SHPK: variants seen among roughly 807,000 people sequenced by gnomAD.
The protein encoded by SHPK is sedoheptulokinase, also known as carbohydrate kinase-like protein.
In SHPK, 51 loss-of-function variants were observed where a neutral mutation model predicts 46.3. That is an observed-to-expected ratio of 1.10 (90% CI 0.88 to 1.39). The LOEUF (loss-of-function observed/expected upper bound fraction) is 1.39. SHPK is among the 40% of genes most tolerant of loss of function. The pLI, the probability that SHPK is intolerant of heterozygous loss-of-function variation, is 0.00. For missense variants in SHPK, 668 were observed against 641.3 expected, an observed-to-expected ratio of 1.04 and a Z score of -0.45; for synonymous variants, 290 against 273.9, an observed-to-expected ratio of 1.06 and a Z score of -0.58.
chr17:3,616,886 C>T (rs1435720348), intron 5 of SHPK, among the ~76,000 whole-genome samples: 1 of 152,090 alleles, frequency 6.6e-6, no homozygotes, highest in African/African-American at 2.4e-5. Context: ...TACAGGCATG[C>T]GCCACCACGC....
chr17:3,615,466 C>G lies in SHPK; in HGVS notation c.895G>C (p.Asp299His), dbSNP rs1470501526. Residue 299 changes from aspartate to histidine, a missense_variant, in exon 6 of 7, where the codon GAC becomes CAC. Coordinates refer to ENST00000225519, the MANE Select transcript of SHPK (RefSeq NM_013276.4). ...AAGTAGGCGACTGGGGCCGTAGGGT[C>G]TGGAGTCTGTGCAGGCTGGAATCCT... The part of the protein sequence containing the change: ...PSGFQPAQTP[D>H]PTAPVAYFPY... 1 of 1,614,146 alleles carries G rather than the reference C, an allele frequency of 6.2e-7. No homozygotes were observed. The highest frequency in any genetic ancestry group is 1.7e-5 in the Admixed American group (1 of 60,024).
chr17:3,628,625 T>C (rs1217375351), intron 2 of SHPK, among the ~76,000 whole-genome samples: 2 of 151,676 alleles, frequency 1.3e-5, no homozygotes, highest in African/African-American at 2.4e-5. Context: ...CTGGCCAATA[T>C]AATTTCTTTT....
At position 3,615,519 on chromosome 17, in the gene SHPK, G is replaced by C; in HGVS notation, c.842C>G (p.Ser281Trp). 2 of 1,614,182 alleles carry C rather than the reference G, an allele frequency of 1.2e-6. No homozygotes were observed. Among genetic ancestry groups the C allele is most frequent in the Non-Finnish European group, 1.7e-6 (2 of 1,180,016 alleles). The change falls in exon 6 of 7, where the codon TCG becomes TGG. Residue 281 changes from serine to tryptophan, a missense_variant. Physicochemically the swap from Ser to Trp is radical, Grantham distance 177 (BLOSUM62 -3). Transcript: ENST00000225519. ...RTDAVLNIST[S>W]VQLAASMPSG... is the part of the protein sequence containing the mutation. Reference sequence around the variant, plus strand: ...AGGCATGGAGGCTGCCAGCTGAACCGAGGTGCTGATGTTGAGAACTGGGGT... The same window carrying C: ...AGGCATGGAGGCTGCCAGCTGAACCCAGGTGCTGATGTTGAGAACTGGGGT...
chr17:3,625,850 C>G (rs774614703), intron 2 of SHPK, among the ~76,000 whole-genome samples: 11 of 152,122 alleles, frequency 7.2e-5, no homozygotes, highest in East Asian at 3.9e-4. Context: ...GTGAGGAGTT[C>G]GAGACCAGCC....
chr17:3,612,512 A>G (rs935284883), intron 6 of SHPK, among the ~76,000 whole-genome samples: 4 of 152,138 alleles, frequency 2.6e-5, no homozygotes, highest in Non-Finnish European at 5.9e-5. Flanking sequence ...CCTGAGGGAA[A>G]GCAAACATCA....
At position 3,623,338 on chromosome 17, in the gene SHPK, C is replaced by T. The variant is rs760175748; in HGVS notation, c.647+1G>A. 7.7e-5 allele frequency: 125 copies of T among 1,613,992 alleles called. No homozygotes were observed. Among genetic ancestry groups the T allele is most frequent in the Middle Eastern group, 3.3e-4 (2 of 6,058 alleles). ...ACAGCCTGCAAGGATGTGATACTCA[C>T]GTCTCTACGTTCCAGCTTTGGCTCT... On this transcript the variant is annotated splice_donor_variant, in intron 4 of 6. Transcript: ENST00000225519. LOFTEE classifies it high-confidence loss of function.
rs2075318557 is a variant in SHPK, at chr17:3,608,949, T to C, written c.*1611A>G. The C allele has an allele frequency of 6.6e-6, 1 of 152,364 alleles. No individual in the cohort carries two copies. The highest frequency in any genetic ancestry group is 1.5e-5 in the Non-Finnish European group (1 of 68,156). 9.4% of individuals were successfully genotyped at this position (152,364 alleles called of 1,614,324 possible). ...CTCTGTCACCCAGGCTGGAGTGCAA[T>C]GGCGCGATCTCAGCTCACTGCAACC... On this transcript the variant is annotated 3_prime_UTR_variant, in exon 7 of 7. Transcript: ENST00000225519.
At chr17:3,619,329 G>T in intron 5 of SHPK, 1 of 1,163,446 alleles carries the variant, frequency 8.6e-7, no homozygotes, top group South Asian at 1.2e-5. Flanking sequence ...ACAGTTACGT[G>T]AGGTGAGAGT....
chr17:3,634,557 G>A lies in SHPK; in HGVS notation c.168+1495C>T, dbSNP rs963726485. 3.0e-5 allele frequency among the ~76,000 whole-genome samples: 4 copies of A among 134,276 alleles called. No homozygotes were observed. In the East Asian group the frequency reaches 6.4e-4, roughly 21 times the overall value. The allele number at this position is 134,276 out of a possible 152,430, so 88.1% of individuals were successfully genotyped here. A position where few individuals can be genotyped will look rare whatever the true frequency, so the allele number is the denominator to read the frequency against. On this transcript the variant is annotated intron_variant, in intron 1 of 6. Transcript: ENST00000225519. The stretch of plus-strand genomic sequence containing the variant: ...ACTGCACTCCAGCCTGGGTGACAGA[G>A]CGAGACCCTGTCTCAAAAAAAAAAA...
intron 6 of SHPK, 150 bp from the exon 7 acceptor site, chr17:3,611,122 G>C: frequency 1.4e-6 from 1 of 735,514 alleles, no homozygotes; most frequent in Non-Finnish European, 2.2e-6. Flanking sequence ...GACTGCTATA[G>C]CCAGGCTAGC....
At chr17:3,618,655 C>A (rs2075381610) in intron 5 of SHPK, among the ~76,000 whole-genome samples, 2 of 152,012 alleles carry the variant, frequency 1.3e-5, no homozygotes, top group African/African-American at 4.8e-5. Context: ...TGGCGTGCGC[C>A]TGTAGTCTCA....
chr17:3,623,379 C>A lies in SHPK; in HGVS notation c.607G>T (p.Gly203Cys). Residue 203 changes from glycine to cysteine, a missense_variant, in exon 4 of 7, where the codon GGC (glycine) becomes TGC (cysteine). Coordinates refer to ENST00000225519, the MANE Select transcript of SHPK (RefSeq NM_013276.4). ...LMSDQNAASW[G>C]YFNTQSQSWN... is the part of the protein sequence containing the mutation. ...CTTTGGCTCTGCGTGTTGAAATAGCCCCAGCTGGCAGCATTCTGGTCGGAC... is the reference window on the plus strand; with the variant it reads ...CTTTGGCTCTGCGTGTTGAAATAGCACCAGCTGGCAGCATTCTGGTCGGAC... The A allele has an allele frequency of 6.2e-7, 1 of 1,614,182 alleles. No homozygotes were observed. Among genetic ancestry groups the A allele is most frequent in the African/African-American group, 1.3e-5 (1 of 75,048 alleles).
At chr17:3,623,617 A>C in intron 3 of SHPK, 126 bp from the exon 4 acceptor site, 1 of 919,066 alleles carries the variant, frequency 1.1e-6, no homozygotes, top group Non-Finnish European at 1.8e-6. Context: ...CGCATATACT[A>C]TGGCTCAAGT....
At chr17:3,625,872 G>A (rs761265350) in intron 2 of SHPK, among the ~76,000 whole-genome samples, 2 of 152,126 alleles carry the variant, frequency 1.3e-5, no homozygotes, top group Non-Finnish European at 2.9e-5. Flanking sequence ...GGACAACATG[G>A]CGAAACCCCA....
chr17:3,617,607 T>C (rs1597569498), intron 5 of SHPK, among the ~76,000 whole-genome samples: 1 of 152,296 alleles, frequency 6.6e-6, no homozygotes, highest in East Asian at 1.9e-4. Flanking sequence ...AATGAGTGAA[T>C]CTTACCAAAA....
At chr17:3,619,093 T>C (rs2075384985) in intron 5 of SHPK, among the ~76,000 whole-genome samples, 1 of 152,046 alleles carries the variant, frequency 6.6e-6, no homozygotes, top group African/African-American at 2.4e-5. Context: ...CAAAACATAG[T>C]ATATAAAGGC....
chr17:3,625,364 A>G (rs1451647979), intron 2 of SHPK, among the ~76,000 whole-genome samples: 1 of 152,220 alleles, frequency 6.6e-6, no homozygotes, highest in East Asian at 1.9e-4. Flanking sequence ...GGGACTCCCA[A>G]GGCTAGGTCA....
chr17:3,627,958 C>T (rs745359337), intron 2 of SHPK, among the ~76,000 whole-genome samples: 4 of 151,938 alleles, frequency 2.6e-5, no homozygotes, highest in Non-Finnish European at 5.9e-5. Context: ...CCCACGGCCC[C>T]GGCGGGTCTG....
At chr17:3,635,489 C>T (rs1377439031) in intron 1 of SHPK, among the ~76,000 whole-genome samples, 1 of 152,200 alleles carries the variant, frequency 6.6e-6, no homozygotes, top group Non-Finnish European at 1.5e-5. Context: ...CCCGCCTCGG[C>T]CTCCCAAAGC....
Sources: allele counts gnomAD v4.1 joint callset (sites outside exome capture counted in the v4.1 genomes callset), GRCh38; gene constraint gnomAD v4.1.1; transcripts MANE v1.5; gene names NCBI Gene and HGNC (gene_info 2026-07-23, HGNC 2026-07-21).